Variants in GLIS3 observed in about 807,000 individuals in gnomAD.
GLIS3 encodes GLIS family zinc finger 3, also known as zinc finger protein GLIS3.
In GLIS3, 53 loss-of-function variants were observed where a neutral mutation model predicts 78.6. The observed-to-expected ratio is 0.67, with a 90% confidence interval of 0.54 to 0.85. The LOEUF is 0.85. GLIS3 is among the 40% of genes least tolerant of loss of function. The pLI is 0.00. For synonymous variants in GLIS3, 684 were observed against 509.9 expected (o/e 1.34, Z -4.60); for missense variants, 1,703 against 1,231.1 (o/e 1.38, Z -5.74).
chr9:4,434,924 A>T, the GLIS3 span, among the ~76,000 whole-genome samples: 1 of 152,238 alleles, frequency 6.6e-6, no homozygotes, highest in South Asian at 2.1e-4. Context: ...GGCCACCAAT[A>T]AATTATCACC....
intron 8 of GLIS3, among the ~76,000 whole-genome samples, chr9:3,869,078 A>G (rs1820800976): frequency 6.6e-6 from 1 of 152,130 alleles, no homozygotes; most frequent in Non-Finnish European, 1.5e-5. Flanking sequence ...GGTCTTATTT[A>G]CCACTATAGC....
intron 4 of GLIS3, among the ~76,000 whole-genome samples, chr9:4,061,816 G>A (rs1229239160): frequency 6.6e-6 from 1 of 152,194 alleles, no homozygotes; most frequent in Non-Finnish European, 1.5e-5. Flanking sequence ...GAAGAATTAT[G>A]CAAGAATGCC....
upstream of GLIS3, among the ~76,000 whole-genome samples, chr9:4,349,743 G>A (rs947335695): frequency 5.9e-5 from 9 of 152,076 alleles, no homozygotes; most frequent in African/African-American, 1.7e-4. Flanking sequence ...CTTTAAGCAG[G>A]GCTTGACAGC....
At chr9:4,409,049 G>A in the GLIS3 span, among the ~76,000 whole-genome samples, 1 of 151,898 alleles carries the variant, frequency 6.6e-6, no homozygotes, top group South Asian at 2.1e-4. Context: ...TTTTAAATTG[G>A]AAAAGAAAAA....
intron 2 of GLIS3, among the ~76,000 whole-genome samples, chr9:4,144,653 G>C (rs964515418): frequency 6.6e-6 from 1 of 152,152 alleles, no homozygotes; most frequent in African/African-American, 2.4e-5. Flanking sequence ...AAGGTCTCTA[G>C]ATGGAAAAAG....
At chr9:4,039,709 G>A (rs1341375285) in intron 4 of GLIS3, among the ~76,000 whole-genome samples, 2 of 152,182 alleles carry the variant, frequency 1.3e-5, no homozygotes, top group Non-Finnish European at 1.5e-5. Flanking sequence ...TAAGATCTAT[G>A]TGTTTTCCTC....
intron 4 of GLIS3, among the ~76,000 whole-genome samples, chr9:4,052,866 G>A (rs1825837790): frequency 6.6e-6 from 1 of 152,156 alleles, no homozygotes; most frequent in South Asian, 2.1e-4. Context: ...GGGTCACATA[G>A]TAATTCTGTT....
chr9:4,458,155 T>C, the GLIS3 span, among the ~76,000 whole-genome samples: 1 of 152,000 alleles, frequency 6.6e-6, no homozygotes, highest in Non-Finnish European at 1.5e-5. Context: ...CATGCCAACT[T>C]TGTTCTCTCT....
Position 3,960,629 on chromosome 9 carries a change from T to C in GLIS3, c.1711-23440A>G, listed in dbSNP as rs186744234. ...AATTAATGAAAAGATTGTGTTTTGG[T>C]GGACCGATAATTGGTAATTATTTAT... is the stretch of plus-strand genomic sequence containing the variant. On this transcript the variant is annotated intron_variant, in intron 4 of 10. Coordinates refer to ENST00000381971, the MANE Select transcript of GLIS3 (RefSeq NM_001042413.2). Among the ~76,000 whole-genome samples the C allele has an allele frequency of 1.5e-3, 226 of 152,284 alleles. 1 individual carries two copies. The highest frequency in any genetic ancestry group is 5.1e-3 in the African/African-American group (213 of 41,564).
the GLIS3 span, among the ~76,000 whole-genome samples, chr9:4,381,949 A>T: frequency 6.6e-6 from 1 of 152,240 alleles, no homozygotes; most frequent in Non-Finnish European, 1.5e-5. Context: ...CATCCTTGGC[A>T]GTCCCAGCAC....
At chr9:3,981,484 TCTGGAAGCCCTCCC>T (rs1819280616) in intron 4 of GLIS3, among the ~76,000 whole-genome samples, 1 of 152,126 alleles carries the variant, frequency 6.6e-6, no homozygotes, top group Non-Finnish European at 1.5e-5. Context: ...ATCACCTCCT[TCTGGAAGCCCTCCC>T]TGACCCCATG....
chr9:4,185,000 T>C (rs183949294), intron 2 of GLIS3, among the ~76,000 whole-genome samples: 1 of 152,368 alleles, frequency 6.6e-6, no homozygotes, highest in East Asian at 1.9e-4. Flanking sequence ...AAATTCACCT[T>C]TGATTATTAG....
the GLIS3 span, among the ~76,000 whole-genome samples, chr9:4,485,569 T>C: frequency 6.6e-6 from 1 of 152,210 alleles, no homozygotes; most frequent in East Asian, 1.9e-4. Flanking sequence ...AATAACTTCC[T>C]GTCTCCCCAT....
chr9:4,177,145 C>T (rs1419109914), intron 2 of GLIS3, among the ~76,000 whole-genome samples: 1 of 67,152 alleles, frequency 1.5e-5, no homozygotes, highest in Non-Finnish European at 3.2e-5. Flanking sequence ...CAAAACAAAA[C>T]AAAACAAAAC....
intron 2 of GLIS3, among the ~76,000 whole-genome samples, chr9:4,332,220 A>T (rs891865224): frequency 6.6e-6 from 1 of 152,218 alleles, no homozygotes; most frequent in Non-Finnish European, 1.5e-5. Flanking sequence ...TATAGGATCA[A>T]CACACTGACC....
chr9:4,271,306 G>C (rs1587247043), intron 2 of GLIS3, among the ~76,000 whole-genome samples: 1 of 152,088 alleles, frequency 6.6e-6, no homozygotes, highest in East Asian at 1.9e-4. Flanking sequence ...GCAAGGCTTT[G>C]GTCAACAGTA....
intron 2 of GLIS3, among the ~76,000 whole-genome samples, chr9:4,174,098 C>T (rs559776749): frequency 2.0e-5 from 3 of 152,264 alleles, no homozygotes; most frequent in African/African-American, 4.8e-5. Context: ...ACTGTAAAAA[C>T]CTTTTGCAGC....
At chr9:4,373,944 G>T in the GLIS3 span, among the ~76,000 whole-genome samples, 1 of 152,136 alleles carries the variant, frequency 6.6e-6, no homozygotes, top group African/African-American at 2.4e-5. Flanking sequence ...GGGATTACAG[G>T]TGTGAGCCAC....
At chr9:4,401,415 A>C in the GLIS3 span, among the ~76,000 whole-genome samples, 18 of 149,952 alleles carry the variant, frequency 1.2e-4, no homozygotes, top group East Asian at 3.4e-3. Context: ...TTAAGCCACC[A>C]CGCCCAGCTA....
Sources: gnomAD v4.1 joint callset for allele counts (sites outside exome capture counted in the v4.1 genomes callset) on GRCh38, gnomAD v4.1.1 for gene constraint, MANE v1.5 for transcripts, NCBI Gene and HGNC (gene_info 2026-07-23, HGNC 2026-07-21) for gene names.